Variants in SLC2A13 observed in about 807,000 individuals in gnomAD.
SLC2A13 encodes solute carrier family 2 member 13, also known as proton myo-inositol cotransporter.
SLC2A13 carries 32 observed loss-of-function variants against 64.4 expected under a neutral mutation model. The observed-to-expected ratio is 0.50, with a 90% CI of 0.37 to 0.67. The LOEUF (loss-of-function observed/expected upper bound fraction) is 0.67, where lower values mean the gene tolerates loss of function less well. SLC2A13 is among the 30% of genes least tolerant of loss of function. SLC2A13 has a pLI of 0.00. For missense variants in SLC2A13, 743 were observed against 829.2 expected, an observed-to-expected ratio of 0.90 and a Z score of 1.28; for synonymous variants, 338 against 327.1, an observed-to-expected ratio of 1.03 and a Z score of -0.36.
rs1264179827 is a variant in SLC2A13, at chr12:40,022,318, G to A, written c.925+5983C>T. ...TTCACATAGATTACATATCACACAG[G>A]TAACCTAAATGCCCTACTACAGTGA... On this transcript the variant is annotated intron_variant, in intron 3 of 9. Coordinates refer to ENST00000280871, the MANE Select transcript of SLC2A13 (RefSeq NM_052885.4). Among the ~76,000 whole-genome samples the A allele has an allele frequency of 3.3e-5, 5 of 152,284 alleles. No individual in the cohort carries two copies. The East Asian group carries it at 9.6e-4, about 29-fold the overall frequency.
At chr12:40,024,113 T>C (rs960267369) in intron 3 of SLC2A13, among the ~76,000 whole-genome samples, 1 of 152,226 alleles carries the variant, frequency 6.6e-6, no homozygotes, top group Non-Finnish European at 1.5e-5. Context: ...GGATTCTGTA[T>C]CTGTTGATAA....
chr12:39,944,440 A>C (rs979393772), intron 4 of SLC2A13, among the ~76,000 whole-genome samples: 2 of 152,246 alleles, frequency 1.3e-5, no homozygotes, highest in Middle Eastern at 3.2e-3. Flanking sequence ...CTGTCAGTGG[A>C]GTACTGAAGT....
intron 3 of SLC2A13, among the ~76,000 whole-genome samples, chr12:40,011,043 C>G (rs886245433): frequency 1.3e-5 from 2 of 152,128 alleles, no homozygotes; most frequent in East Asian, 3.8e-4. Context: ...GTTCTTCAGT[C>G]TTCATGTGGT....
intron 3 of SLC2A13, among the ~76,000 whole-genome samples, chr12:39,952,871 G>C (rs1429186228): frequency 6.6e-6 from 1 of 152,078 alleles, no homozygotes; most frequent in Non-Finnish European, 1.5e-5. Context: ...CTGAAAGATA[G>C]GCAGGCTCAT....
chr12:39,799,428 C>T (rs1325589199), intron 7 of SLC2A13, among the ~76,000 whole-genome samples: 2 of 137,172 alleles, frequency 1.5e-5, no homozygotes, highest in African/African-American at 2.6e-5. Context: ...TCTTTAATCT[C>T]AACCATTAGG....
intron 7 of SLC2A13, among the ~76,000 whole-genome samples, chr12:39,778,381 A>ATC (rs1243507216): frequency 2.6e-5 from 4 of 152,166 alleles, no homozygotes; most frequent in Non-Finnish European, 5.9e-5. Context: ...CTTGGGGGCC[A>ATC]GCTGTAGGGA....
intron 4 of SLC2A13, among the ~76,000 whole-genome samples, chr12:39,884,145 T>C (rs1207522037): frequency 6.6e-6 from 1 of 152,178 alleles, no homozygotes; most frequent in Non-Finnish European, 1.5e-5. Flanking sequence ...AGTGTATGTA[T>C]GTATGTAGAG....
chr12:39,926,484 G>A (rs1321993644), intron 4 of SLC2A13, among the ~76,000 whole-genome samples: 1 of 152,208 alleles, frequency 6.6e-6, no homozygotes, highest in Non-Finnish European at 1.5e-5. Flanking sequence ...AATGAGATAT[G>A]TGACAGCGTA....
At chr12:40,085,680 G>T (rs1004221221) in intron 1 of SLC2A13, among the ~76,000 whole-genome samples, 6 of 152,168 alleles carry the variant, frequency 3.9e-5, no homozygotes, top group African/African-American at 1.4e-4. Flanking sequence ...GATCATGACA[G>T]TACTCCTTTT....
At chr12:40,063,086 T>C (rs530021667) in intron 1 of SLC2A13, among the ~76,000 whole-genome samples, 22 of 152,272 alleles carry the variant, frequency 1.4e-4, no homozygotes, top group Non-Finnish European at 2.9e-4. Context: ...ATTCTATTAA[T>C]ACCATTTTCC....
intron 7 of SLC2A13, among the ~76,000 whole-genome samples, chr12:39,780,930 C>T (rs1180740633): frequency 1.3e-5 from 2 of 152,098 alleles, no homozygotes; most frequent in Non-Finnish European, 2.9e-5. Flanking sequence ...AGAACTTGTG[C>T]CATTAGTTAC....
Position 39,929,778 on chromosome 12 carries a change from C to T in SLC2A13, c.1034+21479G>A, listed in dbSNP as rs1391472872. Among the ~76,000 whole-genome samples the T allele has an allele frequency of 2.0e-5, 3 of 152,008 alleles. No individual in the cohort carries two copies. In the South Asian group the frequency reaches 6.2e-4, roughly 32 times the overall value. On this transcript the variant is annotated intron_variant, in intron 4 of 9. Transcript: ENST00000280871. ...TAAAGGAAGAGGCTTTACAGCTCCA[C>T]TGAAAAGTATGCAGAAAGAATTAGT... is the stretch of plus-strand genomic sequence containing the variant.
chr12:40,099,789 A>G (rs1482286), intron 1 of SLC2A13, among the ~76,000 whole-genome samples: 34,348 of 152,022 alleles, frequency 0.23, 4,545 homozygotes, highest in East Asian at 0.49. Flanking sequence ...AGGAAATACA[A>G]GAAGTCAAAG....
At chr12:40,087,081 G>A (rs1261232478) in intron 1 of SLC2A13, among the ~76,000 whole-genome samples, 1 of 152,142 alleles carries the variant, frequency 6.6e-6, no homozygotes, top group Non-Finnish European at 1.5e-5. Flanking sequence ...TCTGGTTACT[G>A]AAGACACAAC....
intron 6 of SLC2A13, among the ~76,000 whole-genome samples, chr12:39,860,876 C>T (rs1383625434): frequency 2.6e-5 from 4 of 152,146 alleles, no homozygotes; most frequent in Admixed American, 2.6e-4. Flanking sequence ...TGGTGGCACC[C>T]ACACCCACCC....
chr12:39,790,668 C>T (rs1288797954), intron 7 of SLC2A13, among the ~76,000 whole-genome samples: 1,854 of 110,668 alleles, frequency 0.017, 28 homozygotes, highest in Admixed American at 0.035. Flanking sequence ...TGAATAATGC[C>T]GCAATAAACA....
intron 4 of SLC2A13, among the ~76,000 whole-genome samples, chr12:39,885,401 T>C (rs562589491): frequency 7.2e-5 from 11 of 152,074 alleles, no homozygotes; most frequent in Non-Finnish European, 1.5e-4. Flanking sequence ...TCATCTAACA[T>C]GTAAGAAGTA....
At chr12:39,839,003 A>AT (rs1943105371) in intron 6 of SLC2A13, among the ~76,000 whole-genome samples, 1 of 151,972 alleles carries the variant, frequency 6.6e-6, no homozygotes. Context: ...GTCCAATTTC[A>AT]TTTTCTGCAG....
intron 6 of SLC2A13, among the ~76,000 whole-genome samples, chr12:39,864,527 C>G (rs1046681930): frequency 1.3e-5 from 2 of 152,166 alleles, no homozygotes; most frequent in African/African-American, 4.8e-5. Context: ...AGAAACATCA[C>G]CAAGATTGTG....
Sources: allele counts gnomAD v4.1 joint callset (sites outside exome capture counted in the v4.1 genomes callset), GRCh38; gene constraint gnomAD v4.1.1; transcripts MANE v1.5; gene names NCBI Gene and HGNC (gene_info 2026-07-23, HGNC 2026-07-21).